Variants in SLC4A5 observed in about 807,000 individuals in gnomAD.
SLC4A5 encodes the protein solute carrier family 4 member 5.
A neutral mutation model predicts 120.4 loss-of-function variants in SLC4A5; 96 were observed. The observed-to-expected ratio is 0.80, with a 90% CI of 0.68 to 0.94. The LOEUF is 0.94. Ranked by LOEUF, SLC4A5 falls within the 40% of genes least tolerant of loss-of-function variation. The probability of loss-of-function intolerance (pLI) is 0.00; values close to 1 mark genes in which losing one functional copy is unlikely to be tolerated. For missense variants in SLC4A5, 1,259 were observed against 1,459.5 expected (o/e 0.86, Z 2.24); for synonymous variants, 550 against 571.1 (o/e 0.96, Z 0.53).
chr2:74,244,332 T>A (rs550813885), intron 19 of SLC4A5, among the ~76,000 whole-genome samples: 2 of 152,252 alleles, frequency 1.3e-5, no homozygotes, highest in Non-Finnish European at 2.9e-5. Flanking sequence ...TCAATATACA[T>A]CTGCTTGGAC....
At chr2:74,266,409 C>G (rs1671303877) in intron 8 of SLC4A5, among the ~76,000 whole-genome samples, 1 of 152,156 alleles carries the variant, frequency 6.6e-6, no homozygotes, top group African/African-American at 2.4e-5. Flanking sequence ...GCTGGGACTA[C>G]ATGCATGCAC....
chr2:74,226,854 C>T (rs1200108972), intron 27 of SLC4A5, 103 bp downstream of exon 27: 11 of 1,378,698 alleles, frequency 8.0e-6, no homozygotes, highest in Middle Eastern at 3.9e-4. Context: ...CAGGCCACAG[C>T]TGACAGGAAG....
intron 3 of SLC4A5, among the ~76,000 whole-genome samples, chr2:74,338,048 G>C (rs1409581732): frequency 6.6e-6 from 1 of 152,184 alleles, no homozygotes; most frequent in Non-Finnish European, 1.5e-5. Context: ...AAGGTAAAGG[G>C]CAGGTGGGGC....
At chr2:74,253,041 G>A in exon 15 of SLC4A5, 1 of 1,614,170 alleles carries the variant, frequency 6.2e-7, no homozygotes, top group Non-Finnish European at 8.5e-7. Flanking sequence ...TCTCCAGGAG[G>A]AAGGACGATG....
chr2:74,303,097 G>A (rs963757857), intron 7 of SLC4A5, among the ~76,000 whole-genome samples: 2 of 150,470 alleles, frequency 1.3e-5, no homozygotes, highest in Non-Finnish European at 3.0e-5. Flanking sequence ...GTGTATGCCT[G>A]TGCATGTGGT....
At chr2:74,316,183 T>C (rs959174558) in intron 5 of SLC4A5, among the ~76,000 whole-genome samples, 22 of 151,742 alleles carry the variant, frequency 1.4e-4, no homozygotes, top group Admixed American at 3.9e-4. Flanking sequence ...ACAAAAACAA[T>C]AGAAGTATCA....
At chr2:74,243,525 T>C (rs1445115609) in intron 19 of SLC4A5, among the ~76,000 whole-genome samples, 2 of 152,230 alleles carry the variant, frequency 1.3e-5, no homozygotes, top group African/African-American at 4.8e-5. Flanking sequence ...TTCTATTGCC[T>C]TTCCTCACAT....
intron 5 of SLC4A5, among the ~76,000 whole-genome samples, chr2:74,317,807 T>G (rs1158637254): frequency 6.6e-6 from 1 of 152,240 alleles, no homozygotes; most frequent in Non-Finnish European, 1.5e-5. Context: ...TGGGGACCTC[T>G]GACAAAATGG....
chr2:74,330,381 G>A (rs868030978), intron 4 of SLC4A5, among the ~76,000 whole-genome samples: 6 of 150,058 alleles, frequency 4.0e-5, no homozygotes, highest in Non-Finnish European at 7.4e-5. Context: ...GGTGTAGGTG[G>A]TGAGATACAG....
chr2:74,219,490 A>G (rs1422888469), intron 30 of SLC4A5, among the ~76,000 whole-genome samples: 2 of 152,158 alleles, frequency 1.3e-5, no homozygotes, highest in African/African-American at 4.8e-5. Flanking sequence ...CATGTTGCAG[A>G]GCCTTTCACT....
At chr2:74,276,507 G>C (rs1310111078) in intron 8 of SLC4A5, among the ~76,000 whole-genome samples, 1 of 152,216 alleles carries the variant, frequency 6.6e-6, no homozygotes. Context: ...TCCATGGACA[G>C]AGATGGGGTG....
intron 22 of SLC4A5, 107 bp downstream of exon 22, chr2:74,234,994 G>T: frequency 1.2e-6 from 1 of 851,970 alleles, no homozygotes; most frequent in Non-Finnish European, 1.8e-6. Context: ...GAACTAAAAT[G>T]GTCTCTTGGC....
At chr2:74,327,790 A>C (rs1673253277) in intron 5 of SLC4A5, among the ~76,000 whole-genome samples, 1 of 152,148 alleles carries the variant, frequency 6.6e-6, no homozygotes, top group African/African-American at 2.4e-5. Flanking sequence ...TACGTACTAG[A>C]AGAGAAAGAT....
intron 7 of SLC4A5, among the ~76,000 whole-genome samples, chr2:74,289,393 T>C (rs1432181655): frequency 1.3e-5 from 2 of 152,150 alleles, no homozygotes; most frequent in Non-Finnish European, 2.9e-5. Context: ...CTTGGCTCAC[T>C]GCAACCTCCA....
intron 5 of SLC4A5, among the ~76,000 whole-genome samples, chr2:74,323,644 G>C (rs769066273): frequency 8.4e-4 from 128 of 152,208 alleles, no homozygotes; most frequent in Non-Finnish European, 1.5e-3. Context: ...TCAAGAAAGT[G>C]ACAGAAAATG....
intron 20 of SLC4A5, 135 bp downstream of exon 20, chr2:74,241,859 G>A: frequency 1.6e-6 from 1 of 641,884 alleles, no homozygotes; most frequent in South Asian, 1.6e-5. Context: ...AGCTCTGCAG[G>A]TGACCCTGAC....
Position 74,252,495 on chromosome 2 carries a change from G to T in SLC4A5, c.1269-107C>A, listed in dbSNP as rs573920942. 129 of 1,384,288 alleles carry T rather than the reference G, an allele frequency of 9.3e-5. No homozygotes were observed. In the African/African-American group the frequency reaches 1.8e-3, roughly 19 times the overall value. 85.8% of individuals were successfully genotyped at this position (1,384,288 alleles called of 1,614,324 possible). On this transcript the variant is annotated intron_variant, in intron 15 of 30. Coordinates refer to ENST00000394019, the Ensembl canonical transcript of SLC4A5. ...AAGACAGACAAAAATGCAGAAAATT[G>T]TCTAACAATATCCACACGCAGGTCA... is the stretch of plus-strand genomic sequence containing the variant.
intron 7 of SLC4A5, among the ~76,000 whole-genome samples, chr2:74,303,466 A>C (rs920006871): frequency 2.6e-5 from 4 of 152,346 alleles, no homozygotes; most frequent in African/African-American, 9.6e-5. Context: ...ACTGTTTATT[A>C]GGCAGGTTTG....
At chr2:74,335,905 A>G (rs1464851700) in intron 3 of SLC4A5, among the ~76,000 whole-genome samples, 1 of 152,176 alleles carries the variant, frequency 6.6e-6, no homozygotes, top group African/African-American at 2.4e-5. Context: ...TATTTTAAAT[A>G]CAATTCCAAG....
Sources: gnomAD v4.1 joint callset for allele counts (sites outside exome capture counted in the v4.1 genomes callset) on GRCh38, gnomAD v4.1.1 for gene constraint, MANE v1.5 for transcripts, NCBI Gene and HGNC (gene_info 2026-07-23, HGNC 2026-07-21) for gene names.